Variants in GBGT1 observed in about 807,000 individuals in gnomAD.
GBGT1 encodes globoside alpha-1,3-N-acetylgalactosaminyltransferase 1.
Under a neutral mutation model 20.9 loss-of-function variants are expected in GBGT1, and 18 were observed. The observed-to-expected ratio is 0.86, with a 90% confidence interval of 0.60 to 1.28. GBGT1 has a LOEUF of 1.28. Ranked by LOEUF, GBGT1 falls within the 50% of genes most tolerant of loss-of-function variation. The probability of loss-of-function intolerance (pLI) is 0.00; values close to 1 mark genes in which losing one functional copy is unlikely to be tolerated. For synonymous variants in GBGT1, 168 were observed against 180.8 expected, an observed-to-expected ratio of 0.93 and a Z score of 0.57; for missense variants, 432 against 455.7, an observed-to-expected ratio of 0.95 and a Z score of 0.47.
chr9:133,161,603 A>T, intron 2 of GBGT1, 71 bp from the exon 3 acceptor site: 1 of 1,073,728 alleles, frequency 9.3e-7, no homozygotes, highest in Non-Finnish European at 1.4e-6. Context: ...CACCTCATGC[A>T]CGTCATTGGG....
chr9:133,162,500 C>G lies in GBGT1; in HGVS notation c.-88G>C, dbSNP rs1588593679. The G allele has an allele frequency of 9.1e-7, 1 of 1,103,458 alleles. No homozygotes were observed. Among genetic ancestry groups the G allele is most frequent in the East Asian group, 2.5e-5 (1 of 39,268 alleles). The allele number at this position is 1,103,458 out of a possible 1,614,324, so 68.4% of individuals were successfully genotyped here. A position where few individuals can be genotyped will look rare whatever the true frequency, so the allele number is the denominator to read the frequency against. ...GCTGTCCCCTCGCAGGGATGTCAGGCTCTGAGCCTGGTCTCTGAGGTCCCA... is the reference window on the plus strand; with the variant it reads ...GCTGTCCCCTCGCAGGGATGTCAGGGTCTGAGCCTGGTCTCTGAGGTCCCA... On this transcript the variant is annotated 5_prime_UTR_variant, in exon 2 of 7. Coordinates refer to ENST00000372040, the MANE Select transcript of GBGT1 (RefSeq NM_021996.6).
chr9:133,162,492 A>T lies in GBGT1; in HGVS notation c.-80T>A. On this transcript the variant is annotated 5_prime_UTR_variant, in exon 2 of 7. Transcript: ENST00000372040. Reference sequence around the variant, plus strand: ...CGGATGAGGCTGTCCCCTCGCAGGGATGTCAGGCTCTGAGCCTGGTCTCTG... The same window carrying T: ...CGGATGAGGCTGTCCCCTCGCAGGGTTGTCAGGCTCTGAGCCTGGTCTCTG... 7.6e-6 allele frequency: 9 copies of T among 1,186,242 alleles called. No individual in the cohort carries two copies. The allele number at this position is 1,186,242 out of a possible 1,614,324, so 73.5% of individuals were successfully genotyped here.
intron 1 of GBGT1, 184 bp downstream of exon 1, chr9:133,163,570 C>G (rs1462546282): frequency 6.5e-6 from 1 of 152,986 alleles, no homozygotes; most frequent in African/African-American, 2.4e-5. Flanking sequence ...CGTCTCGCCC[C>G]CGCCTCCCGC....
intron 3 of GBGT1, among the ~76,000 whole-genome samples, chr9:133,157,703 C>G (rs1832913091): frequency 6.6e-6 from 1 of 152,258 alleles, no homozygotes; most frequent in Admixed American, 6.5e-5. Flanking sequence ...GGTCAGACCC[C>G]TGGGCTCACC....
In GBGT1 at chr9:133,153,961, C is replaced by G. The variant is rs1192323201; in HGVS notation, c.660G>C (p.Leu220Phe). Residue 220 changes from leucine (L) to phenylalanine (F), a missense_variant, in exon 7 of 7, where the codon TTG becomes TTC. Coordinates refer to ENST00000372040, the MANE Select transcript of GBGT1 (RefSeq NM_021996.6). ...VFRNPWGPET[L>F]GDLVAAIHPS... ...GGTGAATGGCAGCCACCAGGTCTCC[C>G]AAGGTCTCAGGGCCCCACGGGTTCC... 6.2e-7 allele frequency: 1 copy of G among 1,613,174 alleles called. No individual in the cohort carries two copies. The highest frequency in any genetic ancestry group is 1.7e-5 in the Admixed American group (1 of 60,016).
intron 6 of GBGT1, 84 bp downstream of exon 6, chr9:133,155,094 T>A: frequency 1.6e-6 from 2 of 1,282,418 alleles, no homozygotes; most frequent in Non-Finnish European, 2.2e-6. Context: ...GGGTCCTGTG[T>A]GCACGTCTGG....
Position 133,154,529 on chromosome 9 carries a change from G to A in GBGT1, c.360-268C>T, listed in dbSNP as rs868540276. The A allele has an allele frequency of 2.3e-5, 8 of 351,654 alleles. No individual in the cohort carries two copies. The highest frequency in any genetic ancestry group is 8.5e-5 in the Admixed American group (2 of 23,506). The allele number at this position is 351,654 out of a possible 1,614,324, so 21.8% of individuals were successfully genotyped here. A position where few individuals can be genotyped will look rare whatever the true frequency, so the allele number is the denominator to read the frequency against. On this transcript the variant is annotated intron_variant, in intron 6 of 6. Transcript: ENST00000372040. The surrounding 1 kb of genome is among the most constrained non-coding windows in gnomAD (Gnocchi z 4.2). ...GAGCAATTTCTAAGTGCCCAGCGAC[G>A]TTCTAAGAATTCTTATGATCTTTGA...
At chr9:133,161,109 A>T (rs1478589050) in intron 3 of GBGT1, 6 of 398,654 alleles carry the variant, frequency 1.5e-5, no homozygotes. Context: ...AACAAGGTCA[A>T]GTCCTAAAAG....
In GBGT1 at chr9:133,153,764, T is replaced by C. The variant is rs764362752; in HGVS notation, c.857A>G (p.Asp286Gly). The change falls in exon 7 of 7, where the codon GAC (aspartate) becomes GGC (glycine). Residue 286 changes from aspartate to glycine, a missense_variant. By Grantham distance (94) the Asp-to-Gly change is moderately conservative (BLOSUM62 -1). Transcript: ENST00000372040. The part of the protein sequence containing the change: ...TRGCHMAILA[D>G]KANGIMAAWR... ...GGCAGCCATGATGCCATTGGCCTTGTCCGCCAGGATGGCCATGTGGCAGCC... is the reference window on the plus strand; with the variant it reads ...GGCAGCCATGATGCCATTGGCCTTGCCCGCCAGGATGGCCATGTGGCAGCC... 3.7e-6 allele frequency: 6 copies of C among 1,610,746 alleles called. No individual in the cohort carries two copies. The highest frequency in any genetic ancestry group is 4.2e-6 in the Non-Finnish European group (5 of 1,178,454).
rs1204903480 is a variant in GBGT1 at position 133,153,663 on chromosome 9, A to G, written c.958T>C (p.Trp320Arg). The change falls in exon 7 of 7, where the codon TGG becomes CGG. Residue 320 changes from tryptophan to arginine, a missense_variant. By Grantham distance (101) the Trp-to-Arg change is moderately radical. Coordinates refer to ENST00000372040, the MANE Select transcript of GBGT1 (RefSeq NM_021996.6). ...PSKVLSPEYL[W>R]DDRKPQPPSL... The stretch of plus-strand genomic sequence containing the variant: ...GGTGGCTGGGGCTTCCTGTCGTCCC[A>G]GAGGTACTCGGGGGACAGCACCTTG... The G allele has an allele frequency of 1.1e-5, 17 of 1,612,512 alleles. No individual in the cohort carries two copies. The highest frequency in any genetic ancestry group is 2.7e-5 in the African/African-American group (2 of 74,894).
intron 3 of GBGT1, among the ~76,000 whole-genome samples, chr9:133,159,242 T>C (rs1458828773): frequency 6.6e-6 from 1 of 152,228 alleles, no homozygotes; most frequent in East Asian, 1.9e-4. Flanking sequence ...ATTACAGGCA[T>C]AAGCCGCTAC....
In GBGT1 at chr9:133,155,958, G is replaced by A. The variant is rs73660458; in HGVS notation, c.189-22C>T. 1.1e-3 allele frequency: 1,724 copies of A among 1,614,026 alleles called. 20 individuals carry two copies. In the African/African-American group the frequency reaches 0.021, roughly 19 times the overall value. ...TGACCTGCAACCAAGAAGGACCAGTGATGGAGGAGAGCCACCACCCTCACG... is the reference window on the plus strand; with the variant it reads ...TGACCTGCAACCAAGAAGGACCAGTAATGGAGGAGAGCCACCACCCTCACG... On this transcript the variant is annotated intron_variant, in intron 4 of 6. Coordinates refer to ENST00000372040, the MANE Select transcript of GBGT1 (RefSeq NM_021996.6).
Position 133,162,366 on chromosome 9 carries a change from G to A in GBGT1, c.47C>T (p.Ala16Val), listed in dbSNP as rs369304227. 3.9e-5 allele frequency: 63 copies of A among 1,610,374 alleles called. No individual in the cohort carries two copies. The East Asian group carries it at 6.0e-4, about 15-fold the overall frequency. The change falls in exon 2 of 7, where the codon GCG (alanine) becomes GTG (valine). Residue 16 changes from alanine to valine, a missense_variant. Physicochemically the swap from Ala to Val is moderately conservative, Grantham distance 64 (BLOSUM62 0). Transcript: ENST00000372040. The part of the protein sequence containing the change: ...LALGLGFCLL[A>V]GTSLSVLWVY... ...CCACAGGACACTGAGGCTTGTGCCC[G>A]CCAACAGGCAGAACCCCAGACCCAG...
intron 3 of GBGT1, among the ~76,000 whole-genome samples, chr9:133,156,918 T>C (rs1027905823): frequency 8.5e-5 from 13 of 152,286 alleles, no homozygotes; most frequent in Middle Eastern, 3.4e-3. Context: ...TCTATATCAG[T>C]TGATTTTACA....
intron 3 of GBGT1, chr9:133,160,183 G>A (rs1441669959): frequency 5.9e-6 from 2 of 339,282 alleles, no homozygotes; most frequent in Admixed American, 3.2e-5. Flanking sequence ...GGTGGCTGAG[G>A]CATGACAATT....
rs35445721 is a variant in GBGT1, at chr9:133,154,920, G to A, written c.359+258C>T. The A allele has an allele frequency of 4.4e-4, 192 of 437,252 alleles. 1 individual carries two copies. Among genetic ancestry groups the A allele is most frequent in the African/African-American group, 3.3e-3 (168 of 50,622 alleles). The allele number at this position is 437,252 out of a possible 1,614,324, so 27.1% of individuals were successfully genotyped here. ...TAGATGAAACAGGGAGGGGCAAGGGGGCCTCCTGACAAAGGCTCCTGCTGT... is the reference window on the plus strand; with the variant it reads ...TAGATGAAACAGGGAGGGGCAAGGGAGCCTCCTGACAAAGGCTCCTGCTGT... On this transcript the variant is annotated intron_variant, in intron 6 of 6. Coordinates refer to ENST00000372040, the MANE Select transcript of GBGT1 (RefSeq NM_021996.6). This position sits in a 1 kb window ranked among gnomAD's most constrained non-coding sequence, Gnocchi z 4.2.
chr9:133,156,062 G>A lies in GBGT1; in HGVS notation c.141C>T (p.Asn47=), dbSNP rs749796330. ...PYYLPCPEIF[N]MKLHYKREKP... is the part of the protein sequence containing the mutation. Reference sequence around the variant, plus strand: ...TCTCCCTCTTGTAGTGCAGCTTCATGTTGCTGGTGGCAGAGGCAAGAAAGA... The same window carrying A: ...TCTCCCTCTTGTAGTGCAGCTTCATATTGCTGGTGGCAGAGGCAAGAAAGA... Residue 47 remains asparagine (N), a synonymous_variant, in exon 4 of 7, where the codon AAC becomes AAT. Coordinates refer to ENST00000372040, the MANE Select transcript of GBGT1 (RefSeq NM_021996.6). 1.9e-6 allele frequency: 3 copies of A among 1,613,946 alleles called. No individual in the cohort carries two copies. The Admixed American group carries it at 5.0e-5, about 27-fold the overall frequency.
At chr9:133,161,793 C>T (rs1382695507) in intron 2 of GBGT1, among the ~76,000 whole-genome samples, 3 of 152,162 alleles carry the variant, frequency 2.0e-5, no homozygotes, top group Admixed American at 6.5e-5. Context: ...TGATGCCAGG[C>T]CCCCCACACA....
chr9:133,156,399 C>T (rs1028370883), intron 3 of GBGT1, among the ~76,000 whole-genome samples: 5 of 152,180 alleles, frequency 3.3e-5, no homozygotes, highest in Non-Finnish European at 5.9e-5. Context: ...CGGTGGCTCA[C>T]GCCTGTAATC....
Sources: gnomAD v4.1 joint callset for allele counts (sites outside exome capture counted in the v4.1 genomes callset) on GRCh38, gnomAD v4.1.1 for gene constraint, Gnocchi (gnomAD v3.1) non-coding constraint, MANE v1.5 for transcripts, NCBI Gene and HGNC (gene_info 2026-07-23, HGNC 2026-07-21) for gene names.